Variants in LRRC17 observed in about 807,000 individuals in gnomAD.
LRRC17 encodes leucine-rich repeat-containing protein 17.
Under a neutral mutation model 41.5 loss-of-function variants are expected in LRRC17, and 33 were observed. The observed-to-expected ratio is 0.80, with a 90% CI of 0.60 to 1.06. The LOEUF (loss-of-function observed/expected upper bound fraction) is 1.06. Among genes scored for constraint, LRRC17 ranks in the 50% least tolerant of loss-of-function variants. The pLI, the probability that LRRC17 is intolerant of heterozygous loss-of-function variation, is 0.00. For synonymous variants in LRRC17, 192 were observed against 197.0 expected (o/e 0.97, Z 0.21); for missense variants, 491 against 519.3 (o/e 0.95, Z 0.53).
chr7:102,936,852 T>C (rs948798636), intron 2 of LRRC17, among the ~76,000 whole-genome samples: 1 of 152,246 alleles, frequency 6.6e-6, no homozygotes, highest in Non-Finnish European at 1.5e-5. Flanking sequence ...GAAATGTCTC[T>C]TTTTCACTGC....
At chr7:102,936,728 A>G (rs1820378029) in intron 2 of LRRC17, among the ~76,000 whole-genome samples, 1 of 152,232 alleles carries the variant, frequency 6.6e-6, no homozygotes, top group Non-Finnish European at 1.5e-5. Flanking sequence ...GGTGTAAATG[A>G]GAAAAGTAAA....
intron 1 of LRRC17, among the ~76,000 whole-genome samples, chr7:102,920,242 C>G (rs1816720145): frequency 6.6e-6 from 1 of 152,118 alleles, no homozygotes; most frequent in African/African-American, 2.4e-5. Context: ...TGTGTATGTA[C>G]CTTTCGAATA....
intron 2 of LRRC17, among the ~76,000 whole-genome samples, chr7:102,937,315 A>G (rs1820510634): frequency 6.7e-6 from 1 of 148,800 alleles, no homozygotes; most frequent in Non-Finnish European, 1.5e-5. Context: ...GCCTGGCCAA[A>G]AAGTTGAAAC....
At chr7:102,915,973 A>T (rs900563270) in intron 1 of LRRC17, among the ~76,000 whole-genome samples, 5 of 151,732 alleles carry the variant, frequency 3.3e-5, no homozygotes, top group Non-Finnish European at 1.5e-5. Flanking sequence ...AAAAGTAGAG[A>T]TGAGTTTCTT....
intron 1 of LRRC17, among the ~76,000 whole-genome samples, chr7:102,925,802 G>T (rs143354492): frequency 6.6e-6 from 1 of 151,986 alleles, no homozygotes; most frequent in South Asian, 2.1e-4. Flanking sequence ...ATAGCCAGGC[G>T]TGGTGGTGGG....
chr7:102,926,488 G>A, intron 1 of LRRC17: 2 of 726,844 alleles, frequency 2.8e-6, no homozygotes, highest in African/African-American at 1.8e-5. Context: ...TGTAAGAGTT[G>A]GTTTCTTCAT....
chr7:102,934,440 C>A lies in LRRC17; in HGVS notation c.527C>A (p.Ser176Ter), dbSNP rs1819877145. ...ACTTGTGAGATAGAAACGCTTATTT[C>A]AATGTTGCAGATTCCCAGGAACCGG... is the stretch of plus-strand genomic sequence containing the variant. ...HCTCEIETLI[S>*]MLQIPRNRNL... is the part of the protein sequence containing the mutation. The change falls in exon 2 of 4, where the codon TCA becomes TAA. Residue 176 changes from serine (S) to a stop codon, truncating the protein, a stop_gained. Coordinates refer to ENST00000339431, the MANE Select transcript of LRRC17 (RefSeq NM_001031692.3). LOFTEE classifies it high-confidence loss of function. 1.9e-6 allele frequency: 3 copies of A among 1,614,062 alleles called. No individual in the cohort carries two copies. The highest frequency in any genetic ancestry group is 2.5e-6 in the Non-Finnish European group (3 of 1,180,040).
rs111511944 is a variant in LRRC17 at position 102,932,016 on chromosome 7, G to T, written c.-140-1758G>T. On this transcript the variant is annotated intron_variant, in intron 1 of 3. Coordinates refer to ENST00000339431, the MANE Select transcript of LRRC17 (RefSeq NM_001031692.3). Reference sequence around the variant, plus strand: ...TTTTCTATCTTACATTGAATGCAATGTATTCATTAGAAAACAAACAAAAAC... The same window carrying T: ...TTTTCTATCTTACATTGAATGCAATTTATTCATTAGAAAACAAACAAAAAC... 5.7e-5 allele frequency: 72 copies of T among 1,256,346 alleles called. No individual in the cohort carries two copies. In the African/African-American group the frequency reaches 7.3e-4, roughly 13 times the overall value. 77.8% of individuals were successfully genotyped at this position (1,256,346 alleles called of 1,614,324 possible). A position where few individuals can be genotyped will look rare whatever the true frequency, so the allele number is the denominator to read the frequency against.
At position 102,913,099 on chromosome 7, in the gene LRRC17, G is replaced by A. The variant is rs760443562; in HGVS notation, c.-187G>A. ...TGAAAGACAAACCTGGGTGCAGCCA[G>A]AGAGGTCCAGATAGATGAGCTTGTG... On this transcript the variant is annotated 5_prime_UTR_variant, in exon 1 of 4. Coordinates refer to ENST00000339431, the MANE Select transcript of LRRC17 (RefSeq NM_001031692.3). 27 of 1,614,082 alleles carry A rather than the reference G, an allele frequency of 1.7e-5. No homozygotes were observed. The highest frequency in any genetic ancestry group is 1.5e-4 in the Admixed American group (9 of 60,000).
chr7:102,937,345 C>CA (rs373845836), intron 2 of LRRC17, among the ~76,000 whole-genome samples: 122,890 of 143,752 alleles, frequency 0.85, 52,475 homozygotes, highest in Middle Eastern at 0.93. Context: ...ACTAAAAATA[C>CA]AAAAAAAAAA....
intron 1 of LRRC17, among the ~76,000 whole-genome samples, chr7:102,925,017 A>C (rs1817841440): frequency 6.6e-6 from 1 of 152,180 alleles, no homozygotes; most frequent in South Asian, 2.1e-4. Flanking sequence ...ATTCTTTCAC[A>C]ATAGTTTGAG....
At chr7:102,931,778 T>A (rs1005089536) in intron 1 of LRRC17, 1 of 1,104,812 alleles carries the variant, frequency 9.1e-7, no homozygotes, top group Non-Finnish European at 1.3e-6. Context: ...CTTTTCCACA[T>A]TGAATCCCAA....
chr7:102,937,629 T>C (rs888028820), intron 2 of LRRC17, among the ~76,000 whole-genome samples: 1 of 152,226 alleles, frequency 6.6e-6, no homozygotes, highest in Non-Finnish European at 1.5e-5. Flanking sequence ...TTTTTTGTTA[T>C]ATTGCTGATT....
chr7:102,941,600 A>C (rs1821453414), intron 3 of LRRC17, among the ~76,000 whole-genome samples: 1 of 152,150 alleles, frequency 6.6e-6, no homozygotes, highest in South Asian at 2.1e-4. Context: ...AGGTGAACCC[A>C]TTGGATGGCT....
chr7:102,939,133 C>T (rs967568433), intron 2 of LRRC17, among the ~76,000 whole-genome samples: 1 of 152,134 alleles, frequency 6.6e-6, no homozygotes, highest in African/African-American at 2.4e-5. Context: ...CTTTCTAGAA[C>T]CTAGGAGGTT....
intron 1 of LRRC17, among the ~76,000 whole-genome samples, chr7:102,915,940 C>T (rs1487463449): frequency 6.6e-6 from 1 of 151,706 alleles, no homozygotes; most frequent in African/African-American, 2.4e-5. Context: ...GTAGTTTTTA[C>T]CTACATTTCA....
rs528610966 is a variant in LRRC17, at chr7:102,913,010, C to T, written c.-276C>T. On this transcript the variant is annotated 5_prime_UTR_variant, in exon 1 of 4. The change creates a new upstream start codon in the 5' untranslated region. Transcript: ENST00000339431. ...CGGTCCGTGCACAGCATTAGTATAA[C>T]GTGAGGGCTGAATGCAGCCCATTCT... 1.2e-4 allele frequency: 196 copies of T among 1,593,356 alleles called. No individual in the cohort carries two copies. Among genetic ancestry groups the T allele is most frequent in the Non-Finnish European group, 5.1e-5 (59 of 1,164,202 alleles).
chr7:102,929,388 G>A (rs1818715181), intron 1 of LRRC17, among the ~76,000 whole-genome samples: 2 of 152,186 alleles, frequency 1.3e-5, no homozygotes. Flanking sequence ...TCAGCTGGGT[G>A]CGGTGTCTCA....
chr7:102,914,939 T>C lies in LRRC17; in HGVS notation c.-141+1794T>C, dbSNP rs117110411. Among the ~76,000 whole-genome samples, 516 of 152,266 alleles carry C rather than the reference T, an allele frequency of 3.4e-3. 2 individuals are homozygous for C. Among genetic ancestry groups the C allele is most frequent in the Non-Finnish European group, 5.2e-3 (357 of 68,018 alleles). On this transcript the variant is annotated intron_variant, in intron 1 of 3. Coordinates refer to ENST00000339431, the MANE Select transcript of LRRC17 (RefSeq NM_001031692.3). ...GAGAGGCACACCAGGGTGTCATTTC[T>C]AGCAATCCTTTAGCTTTATAATCTG...
Sources: gnomAD v4.1 joint callset for allele counts (sites outside exome capture counted in the v4.1 genomes callset) on GRCh38, gnomAD v4.1.1 for gene constraint, MANE v1.5 for transcripts, NCBI Gene and HGNC (gene_info 2026-07-23, HGNC 2026-07-21) for gene names.